The following AHR variants were observed in gnomAD, a reference collection of about 807,000 sequenced individuals.
The protein encoded by AHR is AH-receptor.
A neutral mutation model predicts 86.8 loss-of-function variants in AHR; 40 were observed. The ratio of observed to expected loss-of-function variants is 0.46; its 90% CI spans 0.36 to 0.60. The LOEUF is 0.60. AHR is among the 20% of genes least tolerant of loss of function. The pLI, the probability that AHR is intolerant of heterozygous loss-of-function variation, is 0.00. For missense variants in AHR, 1,001 were observed against 1,011.6 expected (o/e 0.99, Z 0.14); for synonymous variants, 398 against 354.9 (o/e 1.12, Z -1.37).
intron 3 of AHR, among the ~76,000 whole-genome samples, chr7:17,323,732 C>G (rs907975306): frequency 3.3e-5 from 5 of 152,098 alleles, no homozygotes; most frequent in African/African-American, 1.2e-4. Flanking sequence ...TAATCACATT[C>G]AAAGTCCTGT....
At chr7:17,329,432 A>G (rs1326015280) in intron 4 of AHR, among the ~76,000 whole-genome samples, 3 of 151,942 alleles carry the variant, frequency 2.0e-5, no homozygotes, top group African/African-American at 7.2e-5. Flanking sequence ...GTAAATGGTG[A>G]GAGGCAAGAG....
intron 9 of AHR, among the ~76,000 whole-genome samples, chr7:17,338,198 CAA>C (rs375217061): frequency 6.2e-5 from 4 of 64,622 alleles, no homozygotes; most frequent in Non-Finnish European, 3.1e-5. Context: ...GACTCCGTCT[CAA>C]AAAAAAAAAA....
intron 1 of AHR, among the ~76,000 whole-genome samples, chr7:17,307,021 C>T (rs939879386): frequency 4.6e-5 from 7 of 151,998 alleles, no homozygotes; most frequent in African/African-American, 1.5e-4. Flanking sequence ...AATTTGCTCT[C>T]ATGTTAAATA....
At position 17,340,216 on chromosome 7, in the gene AHR, A is replaced by C; in HGVS notation, c.2391A>C (p.Ala797=). ...ATCCAGTACTGCCAGGCCAACAGGC[A>C]TTTTTAAACAAGGTAAGGGTGTTAT... ...QYNPVLPGQQ[A]FLNKFQNGVL... is the part of the protein sequence containing the mutation. The change falls in exon 10 of 11, where the codon GCA becomes GCC. Residue 797 remains alanine, a synonymous_variant. Transcript: ENST00000242057. 1.2e-6 allele frequency: 2 copies of C among 1,607,458 alleles called. No individual in the cohort carries two copies. Among genetic ancestry groups the C allele is most frequent in the Non-Finnish European group, 8.5e-7 (1 of 1,175,928 alleles).
rs746604292 is a variant in AHR at position 17,310,137 on chromosome 7, G to A, written c.253+14G>A. ...GCTTCTTTGATGGTAAGACAGAAGG[G>A]TTTAATTTGTCTACAATAACGTATA... is the stretch of plus-strand genomic sequence containing the variant. On this transcript the variant is annotated intron_variant, in intron 2 of 10. Transcript: ENST00000242057. 6.2e-7 allele frequency: 1 copy of A among 1,604,636 alleles called. No individual in the cohort carries two copies. Among genetic ancestry groups the A allele is most frequent in the Admixed American group, 1.7e-5 (1 of 59,908 alleles).
intron 9 of AHR, among the ~76,000 whole-genome samples, chr7:17,337,982 G>A (rs1223201826): frequency 2.0e-5 from 3 of 150,622 alleles, no homozygotes; most frequent in African/African-American, 4.9e-5. Context: ...GGCGGATCAC[G>A]AGGTCAGGAG....
At chr7:17,305,281 C>G (rs1225993054) in intron 1 of AHR, among the ~76,000 whole-genome samples, 2 of 152,144 alleles carry the variant, frequency 1.3e-5, no homozygotes, top group Non-Finnish European at 2.9e-5. Flanking sequence ...TATGTGTCAC[C>G]TCCATTACAT....
At chr7:17,310,477 CTG>C (rs1782051932) in intron 2 of AHR, among the ~76,000 whole-genome samples, 1 of 150,628 alleles carries the variant, frequency 6.6e-6, no homozygotes, top group Non-Finnish European at 1.5e-5. Context: ...GCTGGATTTT[CTG>C]TGTTTTCATA....
rs1348428258 is a variant in AHR at position 17,343,920 on chromosome 7, T to G, written c.*856T>G. 1 of 152,578 alleles carries G rather than the reference T, an allele frequency of 6.6e-6. No homozygotes were observed. The highest frequency in any genetic ancestry group is 2.4e-5 in the African/African-American group (1 of 41,462). The allele number at this position is 152,578 out of a possible 1,614,324, so 9.5% of individuals were successfully genotyped here. On this transcript the variant is annotated 3_prime_UTR_variant, in exon 11 of 11. Coordinates refer to ENST00000242057, the MANE Select transcript of AHR (RefSeq NM_001621.5). The stretch of plus-strand genomic sequence containing the variant: ...GTCTTTCCAAATTATTTCTTAATTA[T>G]TATAAAAATATTAAGACAATAGCAC...
chr7:17,337,966 G>A (rs1296914540), intron 9 of AHR, among the ~76,000 whole-genome samples: 5 of 150,658 alleles, frequency 3.3e-5, no homozygotes, highest in African/African-American at 1.2e-4. Context: ...TCTATTGCCC[G>A]AGGCGGGCGG....
At chr7:17,306,587 C>A (rs1160990878) in intron 1 of AHR, among the ~76,000 whole-genome samples, 2 of 152,076 alleles carry the variant, frequency 1.3e-5, no homozygotes, top group African/African-American at 4.8e-5. Flanking sequence ...ATGCCTCTTC[C>A]ATAGCCCTAT....
rs1228349327 is a variant in AHR at position 17,343,562 on chromosome 7, A to T, written c.*498A>T. The T allele has an allele frequency of 6.4e-6, 1 of 155,708 alleles. No homozygotes were observed. Among genetic ancestry groups the T allele is most frequent in the Non-Finnish European group, 1.4e-5 (1 of 70,322 alleles). 9.6% of individuals were successfully genotyped at this position (155,708 alleles called of 1,614,324 possible). A position where few individuals can be genotyped will look rare whatever the true frequency, so the allele number is the denominator to read the frequency against. The stretch of plus-strand genomic sequence containing the variant: ...TAAAATAAATGGTTTGGTGCTTTTT[A>T]TAAAAAGATAATCTCAGTGCTTTCC... On this transcript the variant is annotated 3_prime_UTR_variant, in exon 11 of 11. Coordinates refer to ENST00000242057, the MANE Select transcript of AHR (RefSeq NM_001621.5).
At chr7:17,299,466 G>A in intron 1 of AHR, 137 bp downstream of exon 1, 1 of 966,614 alleles carries the variant, frequency 1.0e-6, no homozygotes, top group Non-Finnish European at 1.5e-6. Context: ...TGGAATCGAG[G>A]TTTGGAGGCC....
intron 8 of AHR, 75 bp downstream of exon 8, chr7:17,335,071 A>G (rs1057043375): frequency 1.8e-5 from 19 of 1,069,928 alleles, no homozygotes; most frequent in Non-Finnish European, 2.2e-5. Context: ...ATTCTTACGT[A>G]ATGTAAAGTG....
At chr7:17,326,157 A>G (rs1368420742) in intron 3 of AHR, among the ~76,000 whole-genome samples, 1 of 152,192 alleles carries the variant, frequency 6.6e-6, no homozygotes, top group Non-Finnish European at 1.5e-5. Context: ...GTAAAACTGG[A>G]ACATGGCACT....
Position 17,345,776 on chromosome 7 carries a change from C to T in AHR, c.*2712C>T, listed in dbSNP as rs1562484507. ...ATAAAATCACGTTAAACCAAATACA[C>T]GTTTGTCTGTATTGTTAAGTGCCAA... On this transcript the variant is annotated 3_prime_UTR_variant, in exon 11 of 11. Coordinates refer to ENST00000242057, the MANE Select transcript of AHR (RefSeq NM_001621.5). The T allele has an allele frequency of 2.0e-5, 3 of 152,724 alleles. No individual in the cohort carries two copies. Among genetic ancestry groups the T allele is most frequent in the Non-Finnish European group, 2.9e-5 (2 of 68,018 alleles). 9.5% of individuals were successfully genotyped at this position (152,724 alleles called of 1,614,324 possible). A position where few individuals can be genotyped will look rare whatever the true frequency, so the allele number is the denominator to read the frequency against.
chr7:17,339,245 A>G lies in AHR; in HGVS notation c.1420A>G (p.Ser474Gly), dbSNP rs138465254. The change falls in exon 10 of 11, where the codon AGT becomes GGT. Residue 474 changes from serine to glycine, a missense_variant. By Grantham distance (56) the Ser-to-Gly change is moderately conservative (BLOSUM62 0). This residue lies in a region of AHR where 607 missense variants were observed against 543.1 expected (regional missense o/e 1.12). Transcript: ENST00000242057. Reference sequence around the variant, plus strand: ...GTCTATTTATCTCTATCCTGCTTCAAGTACTTCAAGTACTGCACCTTTTGA... The same window carrying G: ...GTCTATTTATCTCTATCCTGCTTCAGGTACTTCAAGTACTGCACCTTTTGA... ...DESIYLYPASSTSSTAPFENN... is the reference protein window; with the variant it reads ...DESIYLYPASGTSSTAPFENN... 5 of 1,614,216 alleles carry G rather than the reference A, an allele frequency of 3.1e-6. No homozygotes were observed. In the East Asian group the frequency reaches 8.9e-5, roughly 29 times the overall value.
chr7:17,312,527 C>T (rs934144946), intron 2 of AHR, among the ~76,000 whole-genome samples: 1 of 152,138 alleles, frequency 6.6e-6, no homozygotes, highest in Non-Finnish European at 1.5e-5. Flanking sequence ...TGTATACACA[C>T]AGACACATAC....
Position 17,339,350 on chromosome 7 carries a change from C to G in AHR, c.1525C>G (p.Leu509Val), listed in dbSNP as rs756667484. Residue 509 changes from leucine to valine, a missense_variant, in exon 10 of 11, where the codon CTG (leucine) becomes GTG (valine). By Grantham distance (32) the Leu-to-Val change is conservative. This residue lies in a region of AHR where 607 missense variants were observed against 543.1 expected (regional missense o/e 1.12). Transcript: ENST00000242057. The part of the protein sequence containing the change: ...NTAPMGNDTI[L>V]KHEQIDQPQD... The stretch of plus-strand genomic sequence containing the variant: ...TGCACCGATGGGAAATGATACTATC[C>G]TGAAACATGAGCAAATTGACCAGCC... 3.7e-6 allele frequency: 6 copies of G among 1,614,172 alleles called. No individual in the cohort carries two copies. In the East Asian group the frequency reaches 1.3e-4, roughly 36 times the overall value.
Sources: allele counts gnomAD v4.1 joint callset (sites outside exome capture counted in the v4.1 genomes callset), GRCh38; gene constraint gnomAD v4.1.1; regional missense constraint gnomAD v4.1.1; transcripts MANE v1.5; gene names NCBI Gene and HGNC (gene_info 2026-07-23, HGNC 2026-07-21).